The following GCA variants were observed in gnomAD, a reference collection of about 807,000 sequenced individuals.
The protein encoded by GCA is grancalcin, EF-hand calcium-binding protein.
Under a neutral mutation model 32.6 loss-of-function variants are expected in GCA, and 30 were observed. The ratio of observed to expected loss-of-function variants is 0.92; its 90% CI spans 0.69 to 1.25. The LOEUF (loss-of-function observed/expected upper bound fraction) is 1.25, where lower values mean the gene tolerates loss of function less well. Among genes scored for constraint, GCA ranks in the 50% most tolerant of loss-of-function variants. The probability of loss-of-function intolerance (pLI) is 0.00; values close to 1 mark genes in which losing one functional copy is unlikely to be tolerated. For synonymous variants in GCA, 102 were observed against 84.6 expected (o/e 1.21, Z -1.13); for missense variants, 291 against 266.8 (o/e 1.09, Z -0.63).
At chr2:162,371,546 T>C (rs1311678965) in exon 5 of GCA, 3 of 978,890 alleles carry the variant, frequency 3.1e-6, no homozygotes, top group Non-Finnish European at 4.0e-6. Context: ...GCAAGAGAAA[T>C]TGGAGTTTCC....
chr2:162,331,662 T>C (rs983359930), intron 1 of GCA, among the ~76,000 whole-genome samples: 1 of 152,224 alleles, frequency 6.6e-6, no homozygotes, highest in Non-Finnish European at 1.5e-5. Flanking sequence ...AACCTATCTG[T>C]ACCCTTGATC....
intron 3 of GCA, among the ~76,000 whole-genome samples, chr2:162,354,185 A>G (rs949524732): frequency 4.0e-5 from 6 of 151,410 alleles, no homozygotes; most frequent in Non-Finnish European, 7.4e-5. Flanking sequence ...CTTTGCTCTT[A>G]TTTTAACTAA....
downstream of GCA, chr2:162,371,837 C>A (rs1408677926): frequency 1.9e-6 from 3 of 1,607,784 alleles, no homozygotes; most frequent in African/African-American, 4.0e-5. Flanking sequence ...GATTATTTCC[C>A]TGGAAGACCA....
intron 1 of GCA, among the ~76,000 whole-genome samples, chr2:162,345,845 A>G (rs1450611436): frequency 6.6e-6 from 1 of 152,182 alleles, no homozygotes; most frequent in Non-Finnish European, 1.5e-5. Context: ...GATAGTTGAG[A>G]CGTTTATAAA....
intron 1 of GCA, among the ~76,000 whole-genome samples, chr2:162,344,903 C>T (rs1684607605): frequency 6.6e-6 from 1 of 152,104 alleles, no homozygotes; most frequent in Admixed American, 6.5e-5. Flanking sequence ...GTATCGATGT[C>T]AGTGATCTAC....
At position 162,337,755 on chromosome 2, in the gene GCA, A is replaced by C. The variant is rs566198120; in HGVS notation, c.-30-9823A>C. Among the ~76,000 whole-genome samples, 121 of 152,196 alleles carry C rather than the reference A, an allele frequency of 8.0e-4. 1 individual carries two copies. The highest frequency in any genetic ancestry group is 3.4e-3 in the Middle Eastern group (1 of 294). On this transcript the variant is annotated intron_variant, in intron 1 of 4. Transcript: ENST00000429691. ...TCTCTTTCTTTTACTTCAGTTCCTA[A>C]TTTTGGATAACTCAAGCAATGAAGT...
intron 1 of GCA, among the ~76,000 whole-genome samples, chr2:162,324,954 G>A (rs1395829209): frequency 2.0e-5 from 3 of 151,938 alleles, no homozygotes; most frequent in Non-Finnish European, 4.4e-5. Flanking sequence ...CCGAGGCTCC[G>A]ATTGCCTGAC....
intron 1 of GCA, among the ~76,000 whole-genome samples, chr2:162,324,115 A>G (rs1464662177): frequency 6.6e-6 from 1 of 152,080 alleles, no homozygotes; most frequent in African/African-American, 2.4e-5. Flanking sequence ...GTGGATGTTT[A>G]CAGCTTCTGA....
upstream of GCA, among the ~76,000 whole-genome samples, chr2:162,340,855 C>T (rs1271192312): frequency 1.3e-5 from 2 of 152,146 alleles, no homozygotes; most frequent in Non-Finnish European, 2.9e-5. Context: ...ATGTCTAACT[C>T]ATTCATGACC....
chr2:162,356,086 A>G (rs1414693794), intron 3 of GCA, among the ~76,000 whole-genome samples: 2 of 151,992 alleles, frequency 1.3e-5, no homozygotes, highest in Non-Finnish European at 2.9e-5. Flanking sequence ...TCAAACTTCT[A>G]CTTTAACTCC....
At chr2:162,337,923 G>A (rs546747624) in intron 1 of GCA, among the ~76,000 whole-genome samples, 7 of 152,240 alleles carry the variant, frequency 4.6e-5, no homozygotes, top group South Asian at 2.1e-4. Flanking sequence ...CATTATGATC[G>A]GGGTCTCCTG....
intron 1 of GCA, among the ~76,000 whole-genome samples, chr2:162,333,785 T>C (rs1000287098): frequency 2.6e-5 from 4 of 151,660 alleles, no homozygotes; most frequent in Non-Finnish European, 4.4e-5. Context: ...GTTTCATTCA[T>C]CTCAGGAACA....
At chr2:162,368,158 T>C (rs1685815565) in intron 4 of GCA, among the ~76,000 whole-genome samples, 1 of 151,998 alleles carries the variant, frequency 6.6e-6, no homozygotes, top group Non-Finnish European at 1.5e-5. Flanking sequence ...CTCCAGGTGA[T>C]GCTAGTAGTG....
chr2:162,368,377 ACT>A (rs1478999652), intron 4 of GCA, among the ~76,000 whole-genome samples: 2 of 151,976 alleles, frequency 1.3e-5, no homozygotes, highest in Non-Finnish European at 2.9e-5. Context: ...CAATTTAGAC[ACT>A]CTGTTATGCA....
At chr2:162,322,245 C>G (rs1683698215) in intron 1 of GCA, among the ~76,000 whole-genome samples, 1 of 151,274 alleles carries the variant, frequency 6.6e-6, no homozygotes, top group African/African-American at 2.4e-5. Flanking sequence ...AGTCACGTAT[C>G]AATAGATAAG....
chr2:162,349,032 T>A (rs974505096), intron 2 of GCA, among the ~76,000 whole-genome samples: 5 of 151,474 alleles, frequency 3.3e-5, no homozygotes, highest in Admixed American at 2.0e-4. Flanking sequence ...CTAAAGTCTG[T>A]CTTGTATACT....
Position 162,362,566 on chromosome 2 carries a change from T to C in GCA, c.*2323T>C. ...TACACTCTTAATGTATAAGTGCTTT[T>C]ATTTATACAGTAAACATGTTTCCAT... On this transcript the variant is annotated 3_prime_UTR_variant, in exon 8 of 8. Coordinates refer to ENST00000437150, the MANE Select transcript of GCA (RefSeq NM_012198.5). 1.1e-6 allele frequency: 1 copy of C among 935,418 alleles called. No homozygotes were observed. Among genetic ancestry groups the C allele is most frequent in the Non-Finnish European group, 1.3e-6 (1 of 784,340 alleles). The allele number at this position is 935,418 out of a possible 1,614,324, so 57.9% of individuals were successfully genotyped here.
upstream of GCA, among the ~76,000 whole-genome samples, chr2:162,342,088 C>T (rs1684472056): frequency 6.6e-6 from 1 of 152,070 alleles, no homozygotes; most frequent in South Asian, 2.1e-4. Flanking sequence ...ATTAACTTGA[C>T]TCATGGAGGC....
chr2:162,337,952 T>C (rs1684322849), intron 1 of GCA, among the ~76,000 whole-genome samples: 1 of 152,214 alleles, frequency 6.6e-6, no homozygotes, highest in Non-Finnish European at 1.5e-5. Flanking sequence ...TTTCAGATTT[T>C]GTGTGCTATT....
Sources: allele counts gnomAD v4.1 joint callset (sites outside exome capture counted in the v4.1 genomes callset), GRCh38; gene constraint gnomAD v4.1.1; transcripts MANE v1.5; gene names NCBI Gene and HGNC (gene_info 2026-07-23, HGNC 2026-07-21).